Variants in AUP1 observed in about 807,000 individuals in gnomAD.
AUP1 encodes AUP1 lipid droplet regulating VLDL assembly factor.
AUP1 carries 30 observed loss-of-function variants against 51.8 expected under a neutral mutation model. That is an observed-to-expected ratio of 0.58 (90% confidence interval 0.43 to 0.79). AUP1 has a LOEUF of 0.79. AUP1 is among the 30% of genes least tolerant of loss of function. The pLI is 0.00. For missense variants in AUP1, 492 were observed against 517.1 expected (o/e 0.95, Z 0.47); for synonymous variants, 227 against 209.0 (o/e 1.09, Z -0.74).
intron 4 of AUP1, 23 bp downstream of exon 4, chr2:74,528,728 C>T: frequency 6.4e-7 from 1 of 1,568,178 alleles, no homozygotes. Flanking sequence ...CCAGCTGGCG[C>T]CCCATACCTG....
At position 74,527,780 on chromosome 2, in the gene AUP1, T is replaced by C; in HGVS notation, c.797A>G (p.Glu266Gly). The change falls in exon 8 of 12, where the codon GAG (glutamate) becomes GGG (glycine). Residue 266 changes from glutamate (E) to glycine (G), a missense_variant. By Grantham distance (98) the Glu-to-Gly change is moderately conservative. Transcript: ENST00000377526. ...GGGGTGTCTTTGTCGCTTCATGTGC[T>C]CTGCTTTGTCAGCTGGAGTGAGCCG... The part of the protein sequence containing the change: ...GTRLTPADKA[E>G]HMKRQRHPRL... 8 of 1,614,040 alleles carry C rather than the reference T, an allele frequency of 5.0e-6. No homozygotes were observed. Among genetic ancestry groups the C allele is most frequent in the Non-Finnish European group, 6.8e-6 (8 of 1,180,010 alleles).
Position 74,526,681 on chromosome 2 carries a change from A to G in AUP1, c.*119T>C. On this transcript the variant is annotated 3_prime_UTR_variant, in exon 12 of 12. Coordinates refer to ENST00000377526, the MANE Select transcript of AUP1 (RefSeq NM_181575.5). The stretch of plus-strand genomic sequence containing the variant: ...ATGAAAACCATGAATTTAATGTGAC[A>G]TTGGGGGAGCCTCATCCTTCCCTTT... 8.1e-7 allele frequency: 1 copy of G among 1,230,674 alleles called. No homozygotes were observed. 76.2% of individuals were successfully genotyped at this position (1,230,674 alleles called of 1,614,324 possible).
intron 1 of AUP1, 26 bp from the exon 2 acceptor site, chr2:74,529,525 G>A (rs1361671442): frequency 6.5e-7 from 1 of 1,548,620 alleles, no homozygotes; most frequent in Non-Finnish European, 8.8e-7. Context: ...GAAGTGGTCA[G>A]GCGCCGAAGG....
intron 11 of AUP1, 27 bp downstream of exon 11, chr2:74,526,914 C>CTA (rs1315778306): frequency 6.8e-6 from 11 of 1,611,724 alleles, no homozygotes; most frequent in African/African-American, 1.3e-5. Context: ...TTGCCACATC[C>CTA]TATTAATTGT....
At chr2:74,526,866 G>T in intron 11 of AUP1, 30 bp from the exon 12 acceptor site, 1 of 1,596,496 alleles carries the variant, frequency 6.3e-7, no homozygotes, top group Non-Finnish European at 8.6e-7. Flanking sequence ...ATATTATTCA[G>T]GCTTTGCCGT....
chr2:74,526,664 C>G lies in AUP1; in HGVS notation c.*136G>C, dbSNP rs1386476686. On this transcript the variant is annotated 3_prime_UTR_variant, in exon 12 of 12. Coordinates refer to ENST00000377526, the MANE Select transcript of AUP1 (RefSeq NM_181575.5). ...GACAACAGATGCCTTGAATGAAAAC[C>G]ATGAATTTAATGTGACATTGGGGGA... 2.7e-6 allele frequency: 3 copies of G among 1,130,828 alleles called. No individual in the cohort carries two copies. Among genetic ancestry groups the G allele is most frequent in the African/African-American group, 3.1e-5 (2 of 64,334 alleles). The allele number at this position is 1,130,828 out of a possible 1,614,324, so 70.0% of individuals were successfully genotyped here. A position where few individuals can be genotyped will look rare whatever the true frequency, so the allele number is the denominator to read the frequency against.
rs878999689 is a variant in AUP1, at chr2:74,526,939, A to T, written c.1196+2T>A. On this transcript the variant is annotated splice_donor_variant, in intron 11 of 11. Transcript: ENST00000377526. LOFTEE classifies it high-confidence loss of function. ...CTATTAATTGTCCTCTAACCCCCTC[A>T]CCTTCTTGCGTATTCATATAGTGCT... 6.2e-7 allele frequency: 1 copy of T among 1,613,196 alleles called. No individual in the cohort carries two copies. The highest frequency in any genetic ancestry group is 1.1e-5 in the South Asian group (1 of 91,032).
rs1364265976 is a variant in AUP1, at chr2:74,528,486, G to T, written c.528C>A (p.Ser176=). 1.9e-6 allele frequency: 3 copies of T among 1,612,606 alleles called. No homozygotes were observed. The African/African-American group carries it at 4.0e-5, about 22-fold the overall frequency. Residue 176 remains serine, a synonymous_variant, in exon 5 of 12, where the codon TCC becomes TCA. Coordinates refer to ENST00000377526, the MANE Select transcript of AUP1 (RefSeq NM_181575.5). ...CCACATCTTGGATAGAAAATGGCCA[G>T]GAACTAGAAGAGGAAGGAGAAAGTA... The part of the protein sequence containing the change: ...NGREGLLRFS[S]WPFSIQDVVQ...
chr2:74,527,220 T>C (rs1572988401), intron 10 of AUP1, 28 bp downstream of exon 10: 1 of 1,609,002 alleles, frequency 6.2e-7, no homozygotes, highest in Middle Eastern at 1.7e-4. Context: ...ACCCCAACAC[T>C]TGGATCTGAC....
chr2:74,527,914 T>A (rs756082880), intron 7 of AUP1, 26 bp downstream of exon 7: 1 of 1,614,030 alleles, frequency 6.2e-7, no homozygotes, highest in Admixed American at 1.7e-5. Flanking sequence ...GGACCCCGCC[T>A]CCACCCTGTC....
chr2:74,529,491 C>T lies in AUP1; in HGVS notation c.59G>A (p.Gly20Asp). The T allele has an allele frequency of 6.4e-7, 1 of 1,553,134 alleles. No homozygotes were observed. The highest frequency in any genetic ancestry group is 1.2e-5 in the South Asian group (1 of 84,714). Residue 20 changes from glycine to aspartate, a missense_variant, in exon 2 of 12, where the codon GGT becomes GAT. Physicochemically the swap from Gly to Asp is moderately conservative, Grantham distance 94. Coordinates refer to ENST00000377526, the MANE Select transcript of AUP1 (RefSeq NM_181575.5). Reference protein sequence around the residue: ...ERLFDSHRLPGDCFLLLVLLL... With the variant: ...ERLFDSHRLPDDCFLLLVLLL... Reference sequence around the variant, plus strand: ...CAGCACGAGCAGTAGGAAGCAGTCACCCGGAAGCCTGGGGGCGAGAGGCGA... The same window carrying T: ...CAGCACGAGCAGTAGGAAGCAGTCATCCGGAAGCCTGGGGGCGAGAGGCGA...
chr2:74,528,353 C>T (rs1675300124), intron 5 of AUP1, 32 bp from the exon 6 acceptor site: 1 of 1,612,812 alleles, frequency 6.2e-7, no homozygotes. Flanking sequence ...AGGCCTAAGC[C>T]AGGGCCAGGG....
In AUP1 at chr2:74,529,068, G is replaced by A. The variant is rs963698458; in HGVS notation, c.339+64C>T. 2.5e-6 allele frequency: 4 copies of A among 1,610,716 alleles called. No individual in the cohort carries two copies. In the African/African-American group the frequency reaches 5.3e-5, roughly 22 times the overall value. ...TCCATGGGGAACGCGAGTGGGGACA[G>A]GGGGGCCTTCAGCTGGGCCCCAGGG... On this transcript the variant is annotated intron_variant, in intron 3 of 11. Transcript: ENST00000377526.
Position 74,526,826 on chromosome 2 carries a change from CTG to C in AUP1, c.1205_1206del (p.Thr402ArgfsTer8). On this transcript the variant is annotated frameshift_variant, in exon 12 of 12. Transcript: ENST00000377526. LOFTEE classifies it high-confidence loss of function. ...ALYEYARRRF[T>X]ERRAQEAD ...CAGTCAGCCTCCTGGGCTCGTCTCT[CTG>C]TGAATCTCCTGTGGGACATAGGGAG... is the stretch of plus-strand genomic sequence containing the variant. The C allele has an allele frequency of 1.9e-6, 3 of 1,557,576 alleles. No individual in the cohort carries two copies. Among genetic ancestry groups the C allele is most frequent in the Non-Finnish European group, 2.6e-6 (3 of 1,149,608 alleles).
rs750198998 is a variant in AUP1, at chr2:74,527,998, C to T, written c.680G>A (p.Arg227His). 1.2e-5 allele frequency: 19 copies of T among 1,614,052 alleles called. No individual in the cohort carries two copies. The African/African-American group carries it at 1.2e-4, about 10-fold the overall frequency. ...PFTVYQVRWLRPVHRQLGEAN... is the reference protein window; with the variant it reads ...PFTVYQVRWLHPVHRQLGEAN... ...TTCCCCTAGTTGGCGATGAACAGGA[C>T]GAAGCCACCTGCAAAGAAACAATCC... The change falls in exon 7 of 12, where the codon CGT (arginine) becomes CAT (histidine). Residue 227 changes from arginine (R) to histidine (H), a missense_variant. Coordinates refer to ENST00000377526, the MANE Select transcript of AUP1 (RefSeq NM_181575.5).
In AUP1 at chr2:74,527,006, C is replaced by A. The variant is rs373925949; in HGVS notation, c.1131G>T (p.Lys377Asn). ...TPQPTALTFA[K>N]SSWARQESLQ... The stretch of plus-strand genomic sequence containing the variant: ...GGCTCTCCTGCCGGGCCCAGGAAGA[C>A]TTGGCAAATGTTAGGGCTGTTGGCT... The change falls in exon 11 of 12, where the codon AAG becomes AAT. Residue 377 changes from lysine to asparagine, a missense_variant. Transcript: ENST00000377526. 6.1e-5 allele frequency: 98 copies of A among 1,614,038 alleles called. No individual in the cohort carries two copies. The highest frequency in any genetic ancestry group is 8.2e-5 in the Non-Finnish European group (97 of 1,180,040).
intron 8 of AUP1, 34 bp downstream of exon 8, chr2:74,527,702 A>G: frequency 1.3e-6 from 2 of 1,589,392 alleles, no homozygotes; most frequent in African/African-American, 1.4e-5. Flanking sequence ...AAAAAAAAAA[A>G]CCCCAAAAGC....
Position 74,527,943 on chromosome 2 carries a change from T to C in AUP1, c.735A>G (p.Gln245=), listed in dbSNP as rs1675273798. The C allele has an allele frequency of 2.5e-6, 4 of 1,614,120 alleles. No individual in the cohort carries two copies. The highest frequency in any genetic ancestry group is 3.4e-6 in the Non-Finnish European group (4 of 1,180,014). ...EANEEFALRV[Q]QLVAKELGQT... is the part of the protein sequence containing the mutation. Reference sequence around the variant, plus strand: ...CCCTGTCTGTGCACCCGACCACCTGTTGTACACGGAGTGCAAACTCCTCAT... The same window carrying C: ...CCCTGTCTGTGCACCCGACCACCTGCTGTACACGGAGTGCAAACTCCTCAT... The change falls in exon 7 of 12, where the codon CAA becomes CAG. Residue 245 remains glutamine (Q), a synonymous_variant. Coordinates refer to ENST00000377526, the MANE Select transcript of AUP1 (RefSeq NM_181575.5).
Position 74,529,664 on chromosome 2 carries a change from C to G in AUP1, c.-35G>C, listed in dbSNP as rs1412120583. Reference sequence around the variant, plus strand: ...TTCAGGAGCGCCCGGCCGTCGCCGCCGCCGCCATTTTCGCGCCCGGCCGCA... The same window carrying G: ...TTCAGGAGCGCCCGGCCGTCGCCGCGGCCGCCATTTTCGCGCCCGGCCGCA... On this transcript the variant is annotated 5_prime_UTR_variant, in exon 1 of 12. Coordinates refer to ENST00000377526, the MANE Select transcript of AUP1 (RefSeq NM_181575.5). The G allele has an allele frequency of 1.3e-6, 2 of 1,544,814 alleles. No homozygotes were observed. Among genetic ancestry groups the G allele is most frequent in the Admixed American group, 2.0e-5 (1 of 51,192 alleles).
Sources: allele counts gnomAD v4.1 joint callset, GRCh38; gene constraint gnomAD v4.1.1; transcripts MANE v1.5; gene names NCBI Gene and HGNC (gene_info 2026-07-23, HGNC 2026-07-21).